The following COL4A6 variants were observed in gnomAD, a reference collection of about 807,000 sequenced individuals.
The protein encoded by COL4A6 is collagen type IV alpha 6 chain.
In COL4A6, 59 loss-of-function variants were observed where a neutral mutation model predicts 126.7. The observed-to-expected ratio is 0.47, with a 90% CI of 0.38 to 0.58. The LOEUF is 0.58. Ranked by LOEUF, COL4A6 falls within the 20% of genes least tolerant of loss-of-function variation. The probability of loss-of-function intolerance (pLI) is 0.00; values close to 1 mark genes in which losing one functional copy is unlikely to be tolerated. For synonymous variants in COL4A6, 547 were observed against 496.6 expected (o/e 1.10, Z -1.35); for missense variants, 1,285 against 1,337.3 (o/e 0.96, Z 0.61).
rs529097961 is a variant in COL4A6, at chrX:108,383,927, A to C, written c.63+54015T>G. 1.3e-5 allele frequency: 10 copies of C among 755,989 alleles called. No individual in the cohort carries two copies. The Admixed American group carries it at 3.3e-4, about 25-fold the overall frequency. The allele number at this position is 755,989 out of a possible 1,213,427, so 62.3% of individuals were successfully genotyped here. ...TTCCTCTGGAACAACCATGTGATAAATCTATTCTGGCCCAAACTGGGGGCT... is the reference window on the plus strand; with the variant it reads ...TTCCTCTGGAACAACCATGTGATAACTCTATTCTGGCCCAAACTGGGGGCT... On this transcript the variant is annotated intron_variant, in intron 2 of 44. Transcript: ENST00000334504.
intron 2 of COL4A6, among the ~76,000 whole-genome samples, chrX:108,362,123 G>A (rs373198109): frequency 6.3e-5 from 7 of 110,777 alleles, no homozygotes; most frequent in African/African-American, 2.3e-4. Flanking sequence ...CAGAGACAGA[G>A]ACAGAGAGAG....
chrX:108,343,175 T>TA (rs1569434569), intron 2 of COL4A6, among the ~76,000 whole-genome samples: 56 of 96,093 alleles, frequency 5.8e-4, no homozygotes, highest in South Asian at 2.1e-3. Flanking sequence ...AGTGTGTGTG[T>TA]GTGTGTGTGT....
At chrX:108,279,114 C>A (rs1484845889) in intron 3 of COL4A6, among the ~76,000 whole-genome samples, 11 of 111,713 alleles carry the variant, frequency 9.8e-5, no homozygotes, top group African/African-American at 2.3e-4. Flanking sequence ...CTAACATCAT[C>A]ATGACAGGAT....
At chrX:108,276,944 C>A (rs896858427) in intron 3 of COL4A6, among the ~76,000 whole-genome samples, 4 of 112,379 alleles carry the variant, frequency 3.6e-5, no homozygotes, top group African/African-American at 1.3e-4. Context: ...TGGAAATTTT[C>A]GAAAGCAATG....
At chrX:108,278,935 C>T (rs2037709376) in intron 3 of COL4A6, among the ~76,000 whole-genome samples, 3 of 111,546 alleles carry the variant, frequency 2.7e-5, no homozygotes, top group South Asian at 3.8e-4. Flanking sequence ...TACAGACAAG[C>T]AAATGCTGAG....
intron 3 of COL4A6, among the ~76,000 whole-genome samples, chrX:108,277,715 C>T (rs764016286): frequency 1.7e-3 from 188 of 112,182 alleles, no homozygotes; most frequent in African/African-American, 3.7e-3. Context: ...CCCTGACCCC[C>T]GAGCAGCCTA....
rs184024044 is a variant in COL4A6, at chrX:108,356,162, T to C, written c.64-45334A>G. On this transcript the variant is annotated intron_variant, in intron 2 of 44. Transcript: ENST00000334504. ...CCCTTCCTGTATCCATGTGTTCTCA[T>C]TGTTCCATTCCCACCTATGAGTGAG... Among the ~76,000 whole-genome samples, 77 of 94,832 alleles carry C rather than the reference T, an allele frequency of 8.1e-4. 4 individuals are homozygous for C. The East Asian group carries it at 0.016, about 20-fold the overall frequency. The allele number at this position is 94,832 out of a possible 115,157, so 82.4% of individuals were successfully genotyped here. A position where few individuals can be genotyped will look rare whatever the true frequency, so the allele number is the denominator to read the frequency against.
chrX:108,207,478 C>G (rs1212005989), intron 8 of COL4A6, among the ~76,000 whole-genome samples: 1 of 111,151 alleles, frequency 9.0e-6, no homozygotes, highest in African/African-American at 3.3e-5. Context: ...GCATGTACCC[C>G]AGAACTTAAA....
intron 2 of COL4A6, among the ~76,000 whole-genome samples, chrX:108,428,672 C>A: frequency 9.1e-6 from 1 of 110,006 alleles, no homozygotes; most frequent in Non-Finnish European, 1.9e-5. Context: ...ACCCCCGAAC[C>A]TAAAATAAAA....
chrX:108,196,763 A>G (rs765597552), intron 13 of COL4A6, among the ~76,000 whole-genome samples, 184 bp from the exon 14 acceptor site: 1 of 112,071 alleles, frequency 8.9e-6, no homozygotes. Context: ...CATTCATTCA[A>G]GGTTCCCTTT....
chrX:108,330,780 A>G (rs1184896899), intron 2 of COL4A6, among the ~76,000 whole-genome samples: 2 of 111,533 alleles, frequency 1.8e-5, no homozygotes, highest in Non-Finnish European at 3.8e-5. Flanking sequence ...AGCCAAGTTT[A>G]GGGGGAAACG....
intron 2 of COL4A6, among the ~76,000 whole-genome samples, chrX:108,317,466 C>T (rs1015891943): frequency 2.7e-5 from 3 of 112,179 alleles, no homozygotes; most frequent in African/African-American, 9.7e-5. Context: ...AACTTAAGAT[C>T]GCAATGGTTT....
chrX:108,398,064 G>A (rs2041003789), intron 2 of COL4A6, among the ~76,000 whole-genome samples: 1 of 112,215 alleles, frequency 8.9e-6, no homozygotes, highest in South Asian at 3.7e-4. Flanking sequence ...TTGTTAAAGA[G>A]TAAAACACAA....
At position 108,344,714 on chromosome X, in the gene COL4A6, A is replaced by T. The variant is rs149554676; in HGVS notation, c.64-33886T>A. ...TTTGTTTCTGATTCAAGATCCTTTG[A>T]TTTCAAATTGACAAATTTATTTGCC... On this transcript the variant is annotated intron_variant, in intron 2 of 44. Coordinates refer to ENST00000334504, the MANE Select transcript of COL4A6 (RefSeq NM_033641.4). Among the ~76,000 whole-genome samples, 177 of 112,206 alleles carry T rather than the reference A, an allele frequency of 1.6e-3. 2 individuals are homozygous for T. In the East Asian group the frequency reaches 0.034, roughly 21 times the overall value.
intron 2 of COL4A6, among the ~76,000 whole-genome samples, chrX:108,352,080 G>A (rs764094464): frequency 4.4e-5 from 5 of 112,798 alleles, no homozygotes; most frequent in Non-Finnish European, 7.5e-5. Context: ...CTCTGCCTGC[G>A]GCCTTTTCTT....
chrX:108,206,776 A>G (rs2035556377), intron 8 of COL4A6, 196 bp from the exon 9 acceptor site: 2 of 528,129 alleles, frequency 3.8e-6, no homozygotes, highest in South Asian at 2.4e-5. Context: ...ATAAATGCCT[A>G]CAATAAGAAG....
At chrX:108,332,434 C>A (rs778619330) in intron 2 of COL4A6, among the ~76,000 whole-genome samples, 1 of 111,902 alleles carries the variant, frequency 8.9e-6, no homozygotes, top group East Asian at 2.8e-4. Flanking sequence ...TCCTATACTG[C>A]TTTCCATACC....
In COL4A6 at chrX:108,171,481, G is replaced by A; in HGVS notation, c.3203-20C>T. On this transcript the variant is annotated intron_variant, in intron 32 of 44. Coordinates refer to ENST00000334504, the MANE Select transcript of COL4A6 (RefSeq NM_033641.4). ...TGTCTCCTGAGGATTCCAATACATT[G>A]TTTAAATGGCCAGGAGAAGCTATAG... is the stretch of plus-strand genomic sequence containing the variant. 8.6e-7 allele frequency: 1 copy of A among 1,160,001 alleles called. No homozygotes were observed. Among genetic ancestry groups the A allele is most frequent in the Non-Finnish European group, 1.2e-6 (1 of 852,584 alleles).
At chrX:108,265,612 A>C (rs2037281034) in intron 3 of COL4A6, among the ~76,000 whole-genome samples, 1 of 110,817 alleles carries the variant, frequency 9.0e-6, no homozygotes, top group Non-Finnish European at 1.9e-5. Flanking sequence ...GAGGAAGCCA[A>C]GTGGAGAGGG....
Sources: gnomAD v4.1 joint callset for allele counts (sites outside exome capture counted in the v4.1 genomes callset) on GRCh38, gnomAD v4.1.1 for gene constraint, MANE v1.5 for transcripts, NCBI Gene and HGNC (gene_info 2026-07-23, HGNC 2026-07-21) for gene names.